ARHGEF9: variants seen among roughly 807,000 people sequenced by gnomAD.
The protein encoded by ARHGEF9 is Cdc42 guanine nucleotide exchange factor 9.
ARHGEF9 carries 2 observed loss-of-function variants against 41.3 expected under a neutral mutation model. The ratio of observed to expected loss-of-function variants is 0.05; its 90% CI spans 0.02 to 0.15. The LOEUF (loss-of-function observed/expected upper bound fraction) is 0.15, where lower values mean the gene tolerates loss of function less well. ARHGEF9 is among the 10% of genes least tolerant of loss of function. The probability of loss-of-function intolerance (pLI) is 1.00; values close to 1 mark genes in which losing one functional copy is unlikely to be tolerated. For synonymous variants in ARHGEF9, 160 were observed against 154.4 expected, an observed-to-expected ratio of 1.04 and a Z score of -0.27; for missense variants, 225 against 424.7, an observed-to-expected ratio of 0.53 and a Z score of 4.13.
intron 2 of ARHGEF9, among the ~76,000 whole-genome samples, chrX:63,713,766 A>G (rs1452644578): frequency 9.1e-6 from 1 of 109,405 alleles, no homozygotes; most frequent in Non-Finnish European, 1.9e-5. Flanking sequence ...AGCTTTCAGG[A>G]GGATCAGAAG....
intron 4 of ARHGEF9, among the ~76,000 whole-genome samples, chrX:63,691,420 A>G (rs1428601690): frequency 9.0e-6 from 1 of 110,718 alleles, no homozygotes; most frequent in East Asian, 2.8e-4. Context: ...GAATAAATTT[A>G]ACCACAGAAG....
intron 6 of ARHGEF9, 118 bp downstream of exon 6, chrX:63,673,920 T>C: frequency 2.1e-6 from 2 of 954,541 alleles, no homozygotes; most frequent in Non-Finnish European, 2.9e-6. Context: ...TTGAGTCTAA[T>C]CTAAATCCTT....
intron 3 of ARHGEF9, among the ~76,000 whole-genome samples, chrX:63,704,712 A>G (rs2052413678): frequency 8.9e-6 from 1 of 112,527 alleles, no homozygotes; most frequent in African/African-American, 3.2e-5. Context: ...AATGAAGCCC[A>G]TTGGAAAAAT....
intron 1 of ARHGEF9, among the ~76,000 whole-genome samples, chrX:63,750,060 T>TG (rs1362618837): frequency 3.6e-5 from 4 of 111,957 alleles, no homozygotes; most frequent in African/African-American, 1.3e-4. Context: ...TCCCATTTCT[T>TG]GGGGCAAAGC....
At chrX:63,644,548 G>A (rs1556310239) in intron 8 of ARHGEF9, among the ~76,000 whole-genome samples, 2 of 109,975 alleles carry the variant, frequency 1.8e-5, no homozygotes, top group South Asian at 3.9e-4. Context: ...ACTGTGGAAA[G>A]AATAAAAGGT....
intron 1 of ARHGEF9, among the ~76,000 whole-genome samples, chrX:63,749,047 T>G (rs187245703): frequency 8.9e-6 from 1 of 112,327 alleles, no homozygotes; most frequent in Non-Finnish European, 1.9e-5. Context: ...AGATCCCAAA[T>G]AGTGAGTTTT....
chrX:63,655,631 A>T lies in ARHGEF9; in HGVS notation c.1184T>A (p.Met395Lys). 8.3e-7 allele frequency: 1 copy of T among 1,211,485 alleles called. No individual in the cohort carries two copies. The highest frequency in any genetic ancestry group is 1.1e-6 in the Non-Finnish European group (1 of 895,341). The change falls in exon 8 of 10, where the codon ATG becomes AAG. Residue 395 changes from methionine (M) to lysine (K), a missense_variant. Met to Lys is a moderately conservative substitution (Grantham distance 95). Coordinates refer to ENST00000671741, the MANE Select transcript of ARHGEF9 (RefSeq NM_001353921.2). ...DGRDDDFNVS[M>K]KNAFKLHNKE... ...GTTGTGAAGCTTAAAGGCATTCTTC[A>T]TGCTGACATTGAAGTCATCATCTCT...
intron 2 of ARHGEF9, among the ~76,000 whole-genome samples, chrX:63,714,275 T>C (rs782509953): frequency 8.9e-6 from 1 of 112,136 alleles, no homozygotes; most frequent in South Asian, 3.8e-4. Context: ...TCCCTACTCT[T>C]TTCTATCATT....
intron 3 of ARHGEF9, among the ~76,000 whole-genome samples, chrX:63,702,704 C>T (rs1569479643): frequency 8.9e-6 from 1 of 111,878 alleles, no homozygotes; most frequent in Non-Finnish European, 1.9e-5. Context: ...GTGGTTTATG[C>T]CATGTTAACA....
intron 4 of ARHGEF9, among the ~76,000 whole-genome samples, chrX:63,683,414 C>T (rs1380994801): frequency 9.0e-6 from 1 of 111,318 alleles, no homozygotes; most frequent in African/African-American, 3.3e-5. Flanking sequence ...GTTAAAATGT[C>T]CCTACTACTC....
At chrX:63,735,371 A>G (rs1364279648) in intron 1 of ARHGEF9, among the ~76,000 whole-genome samples, 11 of 111,552 alleles carry the variant, frequency 9.9e-5, no homozygotes, top group African/African-American at 3.6e-4. Context: ...GGAGGGGGCT[A>G]GAACTACAAG....
chrX:63,754,842 T>C (rs1254040315), intron 1 of ARHGEF9: 4 of 940,036 alleles, frequency 4.3e-6, no homozygotes, highest in Non-Finnish European at 5.3e-6. Flanking sequence ...TGCGCTGAAG[T>C]CGGCAGAGTC....
intron 2 of ARHGEF9, among the ~76,000 whole-genome samples, chrX:63,709,447 A>G (rs1230382724): frequency 8.9e-6 from 1 of 111,765 alleles, no homozygotes; most frequent in Admixed American, 9.4e-5. Context: ...ATTGGAGACA[A>G]TCTCTGGTCT....
chrX:63,705,697 C>A (rs1489364188), intron 3 of ARHGEF9, among the ~76,000 whole-genome samples: 2 of 111,430 alleles, frequency 1.8e-5, no homozygotes, highest in Non-Finnish European at 3.8e-5. Flanking sequence ...AACCGGTGTT[C>A]TCCAAGTGAG....
At chrX:63,717,355 A>G (rs782126341) in intron 2 of ARHGEF9, among the ~76,000 whole-genome samples, 2 of 112,170 alleles carry the variant, frequency 1.8e-5, no homozygotes, top group South Asian at 3.8e-4. Flanking sequence ...TATCATTCCT[A>G]TTAGTCTTGA....
chrX:63,698,422 T>C (rs1461731269), intron 3 of ARHGEF9, among the ~76,000 whole-genome samples: 1 of 111,111 alleles, frequency 9.0e-6, no homozygotes, highest in Non-Finnish European at 1.9e-5. Flanking sequence ...AGGTTTTCAC[T>C]TGATAGTTAC....
chrX:63,750,127 G>A (rs2055528149), intron 1 of ARHGEF9, among the ~76,000 whole-genome samples: 1 of 112,047 alleles, frequency 8.9e-6, no homozygotes, highest in African/African-American at 3.2e-5. Context: ...CAGTTATTTT[G>A]GGAGAAAAGG....
chrX:63,686,122 T>C (rs1373686569), intron 4 of ARHGEF9, among the ~76,000 whole-genome samples: 3 of 111,729 alleles, frequency 2.7e-5, no homozygotes, highest in Non-Finnish European at 5.7e-5. Flanking sequence ...AATCTAAGTG[T>C]CCATCAACAA....
chrX:63,689,198 A>T (rs533418221), intron 4 of ARHGEF9, among the ~76,000 whole-genome samples: 4 of 111,425 alleles, frequency 3.6e-5, no homozygotes, highest in South Asian at 7.5e-4. Flanking sequence ...TGAATGGATT[A>T]AAAAAAACAG....
Sources: allele counts gnomAD v4.1 joint callset (sites outside exome capture counted in the v4.1 genomes callset), GRCh38; gene constraint gnomAD v4.1.1; transcripts MANE v1.5; gene names NCBI Gene and HGNC (gene_info 2026-07-23, HGNC 2026-07-21).